The following SMAP1 variants were observed in gnomAD, a reference collection of about 807,000 sequenced individuals.
SMAP1 encodes stromal membrane-associated protein 1.
In SMAP1, 24 loss-of-function variants were observed where a neutral mutation model predicts 58.5. The ratio of observed to expected loss-of-function variants is 0.41; its 90% CI spans 0.30 to 0.58. The LOEUF is 0.58. SMAP1 is among the 20% of genes least tolerant of loss of function. SMAP1 has a pLI of 0.29. For synonymous variants in SMAP1, 216 were observed against 196.6 expected (o/e 1.10, Z -0.82); for missense variants, 563 against 566.3 (o/e 0.99, Z 0.06).
rs887368226 is a variant in SMAP1 at position 70,837,882 on chromosome 6, T to C, written c.664+854T>C. The stretch of plus-strand genomic sequence containing the variant: ...TCCAAAAAATTGATCCTAGTTGTTA[T>C]TGAATAAATTGTTGTCTGTTTTAAG... On this transcript the variant is annotated intron_variant, in intron 7 of 10. Coordinates refer to ENST00000370455, the MANE Select transcript of SMAP1 (RefSeq NM_001044305.3). The C allele has an allele frequency of 1.2e-5, 15 of 1,213,110 alleles. No homozygotes were observed. In the East Asian group the frequency reaches 5.9e-4, roughly 48 times the overall value. 75.1% of individuals were successfully genotyped at this position (1,213,110 alleles called of 1,614,324 possible).
At chr6:70,754,771 G>C (rs1006582992) in intron 2 of SMAP1, among the ~76,000 whole-genome samples, 1 of 152,020 alleles carries the variant, frequency 6.6e-6, no homozygotes, top group Non-Finnish European at 1.5e-5. Context: ...ATCAACATAC[G>C]TTGATAAATG....
intron 6 of SMAP1, among the ~76,000 whole-genome samples, chr6:70,836,626 T>C (rs1770598386): frequency 6.6e-6 from 1 of 152,226 alleles, no homozygotes; most frequent in African/African-American, 2.4e-5. Flanking sequence ...TAATAGTAGC[T>C]AGGAACTAAT....
chr6:70,767,416 A>C (rs1767045199), intron 3 of SMAP1, among the ~76,000 whole-genome samples: 1 of 152,150 alleles, frequency 6.6e-6, no homozygotes, highest in Non-Finnish European at 1.5e-5. Flanking sequence ...ATTCTCTTTT[A>C]TTTCATTGAG....
intron 1 of SMAP1, among the ~76,000 whole-genome samples, chr6:70,671,858 C>T (rs565945296): frequency 2.2e-4 from 33 of 152,174 alleles, no homozygotes; most frequent in African/African-American, 5.3e-4. Flanking sequence ...ACAATTTATC[C>T]GTCTATTGAT....
At chr6:70,809,924 G>A (rs1237270905) in intron 6 of SMAP1, among the ~76,000 whole-genome samples, 3 of 152,130 alleles carry the variant, frequency 2.0e-5, no homozygotes, top group Non-Finnish European at 2.9e-5. Context: ...AAGCATTTTA[G>A]TGTTGCTTCC....
Position 70,860,890 on chromosome 6 carries a change from C to G in SMAP1, c.*556C>G. On this transcript the variant is annotated 3_prime_UTR_variant, in exon 11 of 11. Transcript: ENST00000370455. Reference sequence around the variant, plus strand: ...ACGTGATTAGTGAAAGGAAGATAAACGTGGATGTTACTCCAAAACTTCGTT... The same window carrying G: ...ACGTGATTAGTGAAAGGAAGATAAAGGTGGATGTTACTCCAAAACTTCGTT... 1 of 390,654 alleles carries G rather than the reference C, an allele frequency of 2.6e-6. No homozygotes were observed. The highest frequency in any genetic ancestry group is 4.5e-6 in the Non-Finnish European group (1 of 221,120). 24.2% of individuals were successfully genotyped at this position (390,654 alleles called of 1,614,324 possible).
intron 6 of SMAP1, among the ~76,000 whole-genome samples, chr6:70,826,331 G>T (rs933438063): frequency 1.3e-5 from 2 of 152,152 alleles, no homozygotes; most frequent in Non-Finnish European, 2.9e-5. Flanking sequence ...GAAGGAAAAT[G>T]TAGTGGATTA....
chr6:70,840,407 A>G (rs909273855), intron 7 of SMAP1, among the ~76,000 whole-genome samples: 41 of 152,184 alleles, frequency 2.7e-4, no homozygotes, highest in African/African-American at 8.4e-4. Context: ...AAAATGCTTT[A>G]TATTATATAT....
intron 2 of SMAP1, among the ~76,000 whole-genome samples, chr6:70,732,853 C>T (rs922880609): frequency 6.6e-6 from 1 of 151,836 alleles, no homozygotes; most frequent in Admixed American, 6.6e-5. Context: ...AAATAAAAAA[C>T]CACCTGTAGC....
intron 1 of SMAP1, among the ~76,000 whole-genome samples, chr6:70,710,745 AT>A (rs1417948357): frequency 2.0e-5 from 3 of 152,104 alleles, no homozygotes; most frequent in African/African-American, 7.2e-5. Context: ...AACTTCAAAA[AT>A]TTTTTAAACT....
chr6:70,683,344 T>C (rs1380724261), intron 1 of SMAP1, among the ~76,000 whole-genome samples: 1 of 151,766 alleles, frequency 6.6e-6, no homozygotes, highest in Non-Finnish European at 1.5e-5. Flanking sequence ...TAATTTTTTT[T>C]TGTATTTTTA....
At chr6:70,718,815 A>T (rs1768387384) in intron 1 of SMAP1, among the ~76,000 whole-genome samples, 1 of 124,400 alleles carries the variant, frequency 8.0e-6, no homozygotes, top group African/African-American at 2.8e-5. Flanking sequence ...GTAAGACTCC[A>T]TCTCAAAAAA....
chr6:70,751,840 A>G (rs995921824), intron 2 of SMAP1, among the ~76,000 whole-genome samples: 1 of 152,206 alleles, frequency 6.6e-6, no homozygotes, highest in African/African-American at 2.4e-5. Flanking sequence ...ATTACCAATA[A>G]TTTAAAAAAT....
At chr6:70,707,385 A>G (rs1767881936) in intron 1 of SMAP1, among the ~76,000 whole-genome samples, 2 of 152,158 alleles carry the variant, frequency 1.3e-5, no homozygotes, top group South Asian at 4.1e-4. Flanking sequence ...GCTAAAAGGA[A>G]TGGTAGGCAA....
intron 1 of SMAP1, among the ~76,000 whole-genome samples, chr6:70,684,282 G>T (rs1766844392): frequency 6.6e-6 from 1 of 152,198 alleles, no homozygotes; most frequent in Non-Finnish European, 1.5e-5. Flanking sequence ...ATATTTTTGT[G>T]TTTGAGAGAG....
chr6:70,800,997 T>C (rs1280278096), intron 6 of SMAP1, among the ~76,000 whole-genome samples: 1 of 152,348 alleles, frequency 6.6e-6, no homozygotes, highest in East Asian at 1.9e-4. Flanking sequence ...TGTGTCTTTA[T>C]AGTAGCATGA....
intron 6 of SMAP1, among the ~76,000 whole-genome samples, chr6:70,822,556 A>G (rs1390286637): frequency 6.6e-6 from 1 of 152,184 alleles, no homozygotes; most frequent in African/African-American, 2.4e-5. Context: ...AAGCAAGAAA[A>G]GGTAAGGGCA....
intron 1 of SMAP1, among the ~76,000 whole-genome samples, chr6:70,731,835 T>C (rs1007505157): frequency 2.0e-5 from 3 of 152,150 alleles, no homozygotes; most frequent in Non-Finnish European, 4.4e-5. Context: ...AACTGTAGAG[T>C]TAAAGAGCAC....
At chr6:70,814,981 T>C (rs1046085006) in intron 6 of SMAP1, among the ~76,000 whole-genome samples, 1 of 152,156 alleles carries the variant, frequency 6.6e-6, no homozygotes, top group Non-Finnish European at 1.5e-5. Context: ...TGGACAGATA[T>C]GGAACTAGCT....
Sources: allele counts gnomAD v4.1 joint callset (sites outside exome capture counted in the v4.1 genomes callset), GRCh38; gene constraint gnomAD v4.1.1; transcripts MANE v1.5; gene names NCBI Gene and HGNC (gene_info 2026-07-23, HGNC 2026-07-21).